The following EYA3 variants were observed in gnomAD, a reference collection of about 807,000 sequenced individuals.
The protein encoded by EYA3 is EYA transcriptional coactivator and phosphatase 3.
In EYA3, 39 loss-of-function variants were observed where a neutral mutation model predicts 80.0. The ratio of observed to expected loss-of-function variants is 0.49; its 90% CI spans 0.38 to 0.64. EYA3 has a LOEUF of 0.64. Ranked by LOEUF, EYA3 falls within the 30% of genes least tolerant of loss-of-function variation. The pLI, the probability that EYA3 is intolerant of heterozygous loss-of-function variation, is 0.00. For missense variants in EYA3, 523 were observed against 676.1 expected, an observed-to-expected ratio of 0.77 and a Z score of 2.51; for synonymous variants, 206 against 232.8, an observed-to-expected ratio of 0.88 and a Z score of 1.05.
intron 10 of EYA3, 78 bp from the exon 11 acceptor site, chr1:28,004,497 GA>G (rs1641130289): frequency 2.0e-6 from 2 of 1,023,220 alleles, no homozygotes; most frequent in East Asian, 4.9e-5. Flanking sequence ...AACAGAAAGA[GA>G]ACTGGGAAAT....
chr1:27,996,070 G>A (rs1027855967), intron 13 of EYA3, among the ~76,000 whole-genome samples: 2 of 151,962 alleles, frequency 1.3e-5, no homozygotes, highest in Admixed American at 6.6e-5. Flanking sequence ...ACGGGGTTTC[G>A]CCATGTTAGC....
At chr1:28,080,942 G>C (rs1165322333) in intron 1 of EYA3, among the ~76,000 whole-genome samples, 1 of 151,704 alleles carries the variant, frequency 6.6e-6, no homozygotes. Context: ...TTTTGGTAGA[G>C]ACGGGGTTTC....
intron 1 of EYA3, among the ~76,000 whole-genome samples, chr1:28,081,053 G>A (rs922835866): frequency 3.4e-4 from 52 of 152,146 alleles, no homozygotes; most frequent in African/African-American, 1.1e-3. Context: ...CACTGCGCCC[G>A]GCCGATGGTT....
At chr1:28,034,085 AAATAAT>A (rs374562689) in intron 6 of EYA3, among the ~76,000 whole-genome samples, 26 of 151,762 alleles carry the variant, frequency 1.7e-4, no homozygotes, top group Non-Finnish European at 2.6e-4. Flanking sequence ...CTCTGTCTCA[AAATAAT>A]AATAATAATA....
At chr1:27,980,693 T>G (rs1048137060) in intron 16 of EYA3, among the ~76,000 whole-genome samples, 3 of 152,212 alleles carry the variant, frequency 2.0e-5, no homozygotes, top group Non-Finnish European at 4.4e-5. Context: ...GCTGGTGAAC[T>G]GTAAGATCAG....
At chr1:28,088,102 T>C (rs1052757202) in intron 1 of EYA3, among the ~76,000 whole-genome samples, 16 of 152,072 alleles carry the variant, frequency 1.1e-4, no homozygotes, top group African/African-American at 3.9e-4. Context: ...GCTCAGTTTC[T>C]CGTGGTGAAG....
Position 27,993,576 on chromosome 1 carries a change from A to G in EYA3, c.1143-16T>C. 1 of 1,560,868 alleles carries G rather than the reference A, an allele frequency of 6.4e-7. No individual in the cohort carries two copies. The highest frequency in any genetic ancestry group is 8.6e-7 in the Non-Finnish European group (1 of 1,161,532). ...ACTGTAGTTGCTGCAAGGAGAGAAGATAATAAAAATTAAAATTTATACAGC... is the reference window on the plus strand; with the variant it reads ...ACTGTAGTTGCTGCAAGGAGAGAAGGTAATAAAAATTAAAATTTATACAGC... On this transcript the variant is annotated splice_polypyrimidine_tract_variant and intron_variant, in intron 13 of 17. Coordinates refer to ENST00000373871, the MANE Select transcript of EYA3 (RefSeq NM_001990.4).
chr1:28,043,222 A>T (rs532875997), intron 3 of EYA3, among the ~76,000 whole-genome samples: 1 of 151,168 alleles, frequency 6.6e-6, no homozygotes, highest in Admixed American at 6.6e-5. Context: ...GGCAAGTCAG[A>T]TTTTTCTTTA....
At chr1:28,019,912 G>C (rs1294604000) in intron 7 of EYA3, among the ~76,000 whole-genome samples, 3 of 151,878 alleles carry the variant, frequency 2.0e-5, no homozygotes, top group Admixed American at 2.0e-4. Context: ...ATGTTGGTCA[G>C]GGTGGTCTTG....
Position 28,013,965 on chromosome 1 carries a change from A to C in EYA3, c.586-671T>G, listed in dbSNP as rs1469294852. Among the ~76,000 whole-genome samples, 2 of 152,200 alleles carry C rather than the reference A, an allele frequency of 1.3e-5. No homozygotes were observed. ...GAAATCCCAGCTACTTGGGAGGCTA[A>C]GGCACAAGAATCGCTTGAACCTGGA... On this transcript the variant is annotated intron_variant, in intron 8 of 17. Coordinates refer to ENST00000373871, the MANE Select transcript of EYA3 (RefSeq NM_001990.4). This position sits in a 1 kb window ranked among gnomAD's most constrained non-coding sequence, Gnocchi z 4.0.
At chr1:28,084,574 TA>T (rs1645555075) in intron 1 of EYA3, among the ~76,000 whole-genome samples, 1 of 12,400 alleles carries the variant, frequency 8.1e-5, no homozygotes, top group Non-Finnish European at 1.9e-4. Context: ...TATATATATA[TA>T]TATATATATA....
At chr1:28,050,205 T>A (rs202203801) in intron 2 of EYA3, among the ~76,000 whole-genome samples, 2,106 of 139,864 alleles carry the variant, frequency 0.015, 32 homozygotes, top group Admixed American at 0.036. Flanking sequence ...TATTATTATT[T>A]TTTTTGAGAC....
At chr1:27,990,890 G>T (rs192312976) in intron 14 of EYA3, among the ~76,000 whole-genome samples, 1 of 151,172 alleles carries the variant, frequency 6.6e-6, no homozygotes, top group African/African-American at 2.4e-5. Flanking sequence ...AGAAACCTTA[G>T]AGTAGTGCTA....
In EYA3 at chr1:28,011,089, G is replaced by A. The variant is rs1016695535; in HGVS notation, c.770-3C>T. ...AGATGGACTTGTAGAAGGGTCTCCTGGAAAGAAAAAGTGAAACATATGTTG... is the reference window on the plus strand; with the variant it reads ...AGATGGACTTGTAGAAGGGTCTCCTAGAAAGAAAAAGTGAAACATATGTTG... On this transcript the variant is annotated splice_region_variant and splice_polypyrimidine_tract_variant and intron_variant, in intron 9 of 17. Coordinates refer to ENST00000373871, the MANE Select transcript of EYA3 (RefSeq NM_001990.4). The A allele has an allele frequency of 1.2e-6, 2 of 1,609,898 alleles. No homozygotes were observed. Among genetic ancestry groups the A allele is most frequent in the Non-Finnish European group, 1.7e-6 (2 of 1,178,786 alleles).
At chr1:28,033,663 A>T (rs138259969) in intron 6 of EYA3, among the ~76,000 whole-genome samples, 37,147 of 132,514 alleles carry the variant, frequency 0.28, 5,044 homozygotes, top group East Asian at 0.46. Flanking sequence ...TATTATTATT[A>T]TTATTATTTT....
intron 11 of EYA3, among the ~76,000 whole-genome samples, chr1:28,004,034 A>G (rs1260077068): frequency 6.6e-6 from 1 of 152,202 alleles, no homozygotes; most frequent in Non-Finnish European, 1.5e-5. Flanking sequence ...TATAATCTTG[A>G]GACTCTGCTC....
intron 7 of EYA3, among the ~76,000 whole-genome samples, chr1:28,018,522 C>A (rs1642222614): frequency 2.6e-5 from 4 of 152,130 alleles, no homozygotes; most frequent in Admixed American, 2.6e-4. Context: ...GACTACCTGC[C>A]CCATTAACAA....
In EYA3 at chr1:28,002,964, A is replaced by G. The variant is rs1439115572; in HGVS notation, c.993+1372T>C. ...GTAAAACCCTGTCTCTACTAAAAGT[A>G]CAAAAATTAGGGCTGGGCGCAGTGG... On this transcript the variant is annotated intron_variant, in intron 11 of 17. Coordinates refer to ENST00000373871, the MANE Select transcript of EYA3 (RefSeq NM_001990.4). Among the ~76,000 whole-genome samples the G allele has an allele frequency of 3.3e-5, 5 of 152,010 alleles. No homozygotes were observed. The East Asian group carries it at 9.7e-4, about 29-fold the overall frequency.
chr1:28,077,347 C>A (rs1645258869), intron 1 of EYA3, among the ~76,000 whole-genome samples: 1 of 152,052 alleles, frequency 6.6e-6, no homozygotes, highest in South Asian at 2.1e-4. Context: ...CTCAGGTGAT[C>A]CGCCTGCCTC....
Sources: gnomAD v4.1 joint callset for allele counts (sites outside exome capture counted in the v4.1 genomes callset) on GRCh38, gnomAD v4.1.1 for gene constraint, Gnocchi (gnomAD v3.1) non-coding constraint, MANE v1.5 for transcripts, NCBI Gene and HGNC (gene_info 2026-07-23, HGNC 2026-07-21) for gene names.